Variants in SSC5D observed in about 807,000 individuals in gnomAD.
SSC5D encodes soluble scavenger receptor cysteine-rich domain-containing protein SSC5D.
SSC5D carries 106 observed loss-of-function variants against 104.6 expected under a neutral mutation model. The observed-to-expected ratio is 1.01, with a 90% CI of 0.87 to 1.19. The LOEUF is 1.19. Ranked by LOEUF, SSC5D falls within the 50% of genes most tolerant of loss-of-function variation. SSC5D has a pLI of 0.00. For missense variants in SSC5D, 1,993 were observed against 2,153.8 expected, an observed-to-expected ratio of 0.93 and a Z score of 1.48; for synonymous variants, 860 against 883.5, an observed-to-expected ratio of 0.97 and a Z score of 0.47.
chr19:55,500,380 C>A lies in SSC5D; in HGVS notation c.2270C>A (p.Pro757His), dbSNP rs1242324870. 6.4e-7 allele frequency: 1 copy of A among 1,551,318 alleles called. No homozygotes were observed. The highest frequency in any genetic ancestry group is 8.7e-7 in the Non-Finnish European group (1 of 1,146,874). Residue 757 changes from proline to histidine, a missense_variant, in exon 10 of 14, where the codon CCC becomes CAC. Pro to His is a moderately conservative substitution (Grantham distance 77, BLOSUM62 -2). Transcript: ENST00000389623. The surrounding 1 kb of genome is among the most constrained non-coding windows in gnomAD (Gnocchi z 4.6). ...GSPESPKDPAPSPSVSTTGES... is the reference protein window; with the variant it reads ...GSPESPKDPAHSPSVSTTGES... ...CCAGAGTCACCCAAAGACCCGGCCC[C>A]CTCTCCCAGTGTTAGCACCACTGGG...
rs886145491 is a variant in SSC5D, at chr19:55,517,471, A to C, written c.3195A>C (p.Thr1065=). 1 of 1,550,846 alleles carries C rather than the reference A, an allele frequency of 6.4e-7. No individual in the cohort carries two copies. The highest frequency in any genetic ancestry group is 8.7e-7 in the Non-Finnish European group (1 of 1,146,836). Residue 1065 remains threonine (T), a synonymous_variant, in exon 14 of 14, where the codon ACA becomes ACC. Coordinates refer to ENST00000389623, the MANE Select transcript of SSC5D (RefSeq NM_001144950.2). ...GGACGAACCCCGACCTCATCTTGAC[A>C]AGCCCTGACTTTGCTTTGTCCACCC... The part of the protein sequence containing the change: ...ASRTNPDLIL[T]SPDFALSTPD...
rs1233037342 is a variant in SSC5D at position 55,488,553 on chromosome 19, T to C, written c.-37T>C. On this transcript the variant is annotated 5_prime_UTR_variant, in exon 1 of 14. Coordinates refer to ENST00000389623, the MANE Select transcript of SSC5D (RefSeq NM_001144950.2). ...TCCTCCTCTTCTCTCCCCGCTCTCC[T>C]TCCCCTTTCACCCCATCCCCTGCCC... is the stretch of plus-strand genomic sequence containing the variant. The C allele has an allele frequency of 6.6e-7, 1 of 1,521,040 alleles. No individual in the cohort carries two copies. Among genetic ancestry groups the C allele is most frequent in the African/African-American group, 1.4e-5 (1 of 71,322 alleles). 94.2% of individuals were successfully genotyped at this position (1,521,040 alleles called of 1,614,324 possible).
intron 9 of SSC5D, among the ~76,000 whole-genome samples, chr19:55,499,127 T>C (rs781104081): frequency 2.6e-5 from 4 of 152,316 alleles, no homozygotes; most frequent in South Asian, 2.1e-4. Context: ...ACTGTTAGCA[T>C]AGGCGATCTG....
intron 2 of SSC5D, 26 bp downstream of exon 2, chr19:55,489,058 G>GGGGGGGGGC: frequency 2.5e-6 from 3 of 1,203,768 alleles, no homozygotes; most frequent in Non-Finnish European, 2.1e-6. Flanking sequence ...CCTCCCATCT[G>GGGGGGGGGC]CCCGCCCCCC....
In SSC5D at chr19:55,500,434, G is replaced by A; in HGVS notation, c.2302+22G>A. The A allele has an allele frequency of 6.5e-7, 1 of 1,548,960 alleles. No homozygotes were observed. The highest frequency in any genetic ancestry group is 8.7e-7 in the Non-Finnish European group (1 of 1,145,034). ...TCAGGTGAGTGGCCGTGAGGGGTGT[G>A]GGGAGAGAATGGGAGAGGCTGACCC... On this transcript the variant is annotated intron_variant, in intron 10 of 13. Coordinates refer to ENST00000389623, the MANE Select transcript of SSC5D (RefSeq NM_001144950.2). The surrounding 1 kb of genome is among the most constrained non-coding windows in gnomAD (Gnocchi z 4.6).
At chr19:55,496,750 CTTTT>C (rs34304244) in intron 8 of SSC5D, among the ~76,000 whole-genome samples, 2 of 139,790 alleles carry the variant, frequency 1.4e-5, no homozygotes, top group Non-Finnish European at 3.1e-5. Context: ...TTTTACCAGT[CTTTT>C]TTTTTTTTTT....
chr19:55,489,126 G>T, intron 2 of SSC5D, 94 bp downstream of exon 2: 1 of 842,650 alleles, frequency 1.2e-6, no homozygotes. Flanking sequence ...CTGGGTCCCC[G>T]GCCCATCCGA....
At position 55,493,804 on chromosome 19, in the gene SSC5D, G is replaced by A. The variant is rs1271973033; in HGVS notation, c.1105G>A (p.Asp369Asn). Residue 369 changes from aspartate to asparagine, a missense_variant, in exon 7 of 14, where the codon GAC (aspartate) becomes AAC (asparagine). Asp to Asn is a conservative substitution (Grantham distance 23). Around this residue, in one of 6 missense-constraint regions of SSC5D, gnomAD observed 1,101 missense variants for 1,085.0 expected, o/e 1.01. Transcript: ENST00000389623. Reference sequence around the variant, plus strand: ...GGAGGGGTCTGGACCCATCATCCTGGACGACCTTCGGTGTCGGGGAAACGA... The same window carrying A: ...GGAGGGGTCTGGACCCATCATCCTGAACGACCTTCGGTGTCGGGGAAACGA... ...FGEGSGPIIL[D>N]DLRCRGNETA... 1 of 1,549,096 alleles carries A rather than the reference G, an allele frequency of 6.5e-7. No homozygotes were observed. Among genetic ancestry groups the A allele is most frequent in the Non-Finnish European group, 8.7e-7 (1 of 1,146,542 alleles).
At position 55,490,388 on chromosome 19, in the gene SSC5D, C is replaced by T. The variant is rs748737671; in HGVS notation, c.566C>T (p.Thr189Met). 230 of 1,462,216 alleles carry T rather than the reference C, an allele frequency of 1.6e-4. No homozygotes were observed. Among genetic ancestry groups the T allele is most frequent in the Non-Finnish European group, 2.0e-4 (213 of 1,080,942 alleles). 90.6% of individuals were successfully genotyped at this position (1,462,216 alleles called of 1,614,324 possible). Residue 189 changes from threonine to methionine, a missense_variant, in exon 5 of 14, where the codon ACG becomes ATG. By Grantham distance (81) the Thr-to-Met change is moderately conservative (BLOSUM62 -1). Transcript: ENST00000389623. ...QAKSTRAPLL[T>M]TGAPRQERLR... ...AAGTCCACCCGGGCCCCTCTGCTGA[C>T]GACAGGAGCCCCCCGCCAAGGTAAG...
At chr19:55,501,697 T>G (rs558299411) in intron 12 of SSC5D, among the ~76,000 whole-genome samples, 4 of 152,216 alleles carry the variant, frequency 2.6e-5, no homozygotes, top group Admixed American at 6.5e-5. Context: ...GGGCCACAGC[T>G]CCATCCCCCT....
rs887869608 is a variant in SSC5D, at chr19:55,519,099, A to G, written c.*101A>G. ...TAATTAAAAACAAGGTGTGAATGGTATTTTTGGGGAATCCTAGAAAGACAG... is the reference window on the plus strand; with the variant it reads ...TAATTAAAAACAAGGTGTGAATGGTGTTTTTGGGGAATCCTAGAAAGACAG... On this transcript the variant is annotated 3_prime_UTR_variant, in exon 14 of 14. Coordinates refer to ENST00000389623, the MANE Select transcript of SSC5D (RefSeq NM_001144950.2). The G allele has an allele frequency of 2.0e-4, 251 of 1,251,070 alleles. 1 individual carries two copies. Among genetic ancestry groups the G allele is most frequent in the South Asian group, 1.5e-4 (10 of 67,780 alleles). 77.5% of individuals were successfully genotyped at this position (1,251,070 alleles called of 1,614,324 possible).
intron 12 of SSC5D, 133 bp downstream of exon 12, chr19:55,501,334 C>A: frequency 3.8e-6 from 4 of 1,039,054 alleles, no homozygotes; most frequent in Non-Finnish European, 5.4e-6. Context: ...TTTTCCTTGG[C>A]TCCTGAGACC....
In SSC5D at chr19:55,500,574, T is replaced by A; in HGVS notation, c.2387T>A (p.Val796Glu). The change falls in exon 11 of 14, where the codon GTG becomes GAG. Residue 796 changes from valine to glutamate, a missense_variant. Physicochemically the swap from Val to Glu is moderately radical, Grantham distance 121. This residue lies in a region of SSC5D where 70 missense variants were observed against 107.1 expected (regional missense o/e 0.65). Transcript: ENST00000389623. The surrounding 1 kb of genome is among the most constrained non-coding windows in gnomAD (Gnocchi z 4.6). The part of the protein sequence containing the change: ...EVWHAGRWGT[V>E]CDDNWDLRDA... ...TGGCATGCCGGACGCTGGGGAACAG[T>A]GTGTGATGACAACTGGGACCTGCGG... 1.3e-6 allele frequency: 2 copies of A among 1,551,494 alleles called. No individual in the cohort carries two copies. Among genetic ancestry groups the A allele is most frequent in the Non-Finnish European group, 1.7e-6 (2 of 1,146,906 alleles).
At chr19:55,505,945 C>T (rs1987627221) in intron 12 of SSC5D, among the ~76,000 whole-genome samples, 1 of 151,698 alleles carries the variant, frequency 6.6e-6, no homozygotes, top group Non-Finnish European at 1.5e-5. Context: ...CCATGTTGGC[C>T]AGGCTGGTCT....
intron 12 of SSC5D, among the ~76,000 whole-genome samples, chr19:55,511,163 G>T (rs945328271): frequency 4.0e-4 from 61 of 152,228 alleles, no homozygotes; most frequent in African/African-American, 1.5e-3. Flanking sequence ...GTGTCTAATA[G>T]AAATGGAAAG....
At chr19:55,489,846 C>T (rs1003898140) in intron 3 of SSC5D, 36 bp from the exon 4 acceptor site, 3 of 1,533,658 alleles carry the variant, frequency 2.0e-6, no homozygotes, top group East Asian at 2.5e-5. Context: ...TTCCCCTCCT[C>T]TCCTCATAGC....
In SSC5D at chr19:55,513,182, G is replaced by C. The variant is rs760856624; in HGVS notation, c.2947+10G>C. The stretch of plus-strand genomic sequence containing the variant: ...GTCCATGGAGACACAGGTGAGACAC[G>C]TGGCTGGGGTGAGGAGACTGGGACG... On this transcript the variant is annotated intron_variant, in intron 13 of 13. Coordinates refer to ENST00000389623, the MANE Select transcript of SSC5D (RefSeq NM_001144950.2). The C allele has an allele frequency of 2.0e-6, 3 of 1,481,790 alleles. No individual in the cohort carries two copies. Among genetic ancestry groups the C allele is most frequent in the Non-Finnish European group, 2.7e-6 (3 of 1,112,682 alleles). 91.8% of individuals were successfully genotyped at this position (1,481,790 alleles called of 1,614,324 possible).
At chr19:55,489,857 T>C (rs1432847016) in intron 3 of SSC5D, 25 bp from the exon 4 acceptor site, 2 of 1,542,908 alleles carry the variant, frequency 1.3e-6, no homozygotes, top group South Asian at 2.4e-5. Flanking sequence ...TCCTCATAGC[T>C]TCTGTCCCTG....
In SSC5D at chr19:55,491,100, G is replaced by C. The variant is rs1425855881; in HGVS notation, c.895+20G>C. 1.2e-5 allele frequency: 19 copies of C among 1,539,896 alleles called. No homozygotes were observed. On this transcript the variant is annotated intron_variant, in intron 6 of 13. Transcript: ENST00000389623. ...GCACCGGTACGTCGGGCTGGGGCCT[G>C]GCCCCCTCCTGTCTTCCTCAGACCC... is the stretch of plus-strand genomic sequence containing the variant.
Sources: allele counts gnomAD v4.1 joint callset (sites outside exome capture counted in the v4.1 genomes callset), GRCh38; gene constraint gnomAD v4.1.1; regional missense constraint gnomAD v4.1.1; non-coding constraint Gnocchi (gnomAD v3.1); transcripts MANE v1.5; gene names NCBI Gene and HGNC (gene_info 2026-07-23, HGNC 2026-07-21).